CPA4: variants seen among roughly 807,000 people sequenced by gnomAD.
CPA4 encodes the protein carboxypeptidase A4.
In CPA4, 49 loss-of-function variants were observed where a neutral mutation model predicts 54.7. The ratio of observed to expected loss-of-function variants is 0.90; its 90% CI spans 0.71 to 1.14. CPA4 has a LOEUF of 1.14. Among genes scored for constraint, CPA4 ranks in the 50% most tolerant of loss-of-function variants. CPA4 has a pLI of 0.00. For synonymous variants in CPA4, 215 were observed against 206.8 expected (o/e 1.04, Z -0.34); for missense variants, 487 against 525.1 (o/e 0.93, Z 0.71).
Position 130,306,003 on chromosome 7 carries a change from G to A in CPA4, c.591+83G>A, listed in dbSNP as rs1211218863. The stretch of plus-strand genomic sequence containing the variant: ...TGCCATGTGGCTGGGCCTGGGGCAC[G>A]AGGTGGGAGGGTTCTCTACTAAGAC... On this transcript the variant is annotated intron_variant, in intron 6 of 10. Transcript: ENST00000222482. The A allele has an allele frequency of 1.8e-5, 21 of 1,145,488 alleles. 2 individuals are homozygous for A. Among genetic ancestry groups the A allele is most frequent in the South Asian group, 1.2e-4 (10 of 80,662 alleles). 71.0% of individuals were successfully genotyped at this position (1,145,488 alleles called of 1,614,324 possible).
At position 130,305,939 on chromosome 7, in the gene CPA4, A is replaced by C. The variant is rs755198740; in HGVS notation, c.591+19A>C. The C allele has an allele frequency of 6.3e-7, 1 of 1,595,210 alleles. No individual in the cohort carries two copies. Among genetic ancestry groups the C allele is most frequent in the East Asian group, 2.2e-5 (1 of 44,804 alleles). On this transcript the variant is annotated intron_variant, in intron 6 of 10. Coordinates refer to ENST00000222482, the MANE Select transcript of CPA4 (RefSeq NM_016352.4). ...AAGGAAGGTCATGCTGCGTGGTATTAGCCAGGAATGCTGATGGTGCCGGGG... is the reference window on the plus strand; with the variant it reads ...AAGGAAGGTCATGCTGCGTGGTATTCGCCAGGAATGCTGATGGTGCCGGGG...
chr7:130,305,776 G>A (rs372218349), intron 5 of CPA4, 40 bp from the exon 6 acceptor site: 43 of 1,418,086 alleles, frequency 3.0e-5, no homozygotes, highest in African/African-American at 1.7e-4. Flanking sequence ...GCAGAGATGC[G>A]GGCAGGCGGT....
intron 1 of CPA4, among the ~76,000 whole-genome samples, chr7:130,297,357 T>C (rs889121734): frequency 1.3e-5 from 2 of 152,180 alleles, no homozygotes; most frequent in African/African-American, 4.8e-5. Context: ...GGTCCAACTC[T>C]TGGCAAGCCT....
chr7:130,321,988 C>A (rs1390040011), intron 10 of CPA4, among the ~76,000 whole-genome samples: 2 of 152,216 alleles, frequency 1.3e-5, no homozygotes, highest in Non-Finnish European at 2.9e-5. Context: ...TGACAGCTGG[C>A]TTATCCAGAG....
At chr7:130,307,698 G>A (rs1054190611) in intron 7 of CPA4, among the ~76,000 whole-genome samples, 5 of 151,598 alleles carry the variant, frequency 3.3e-5, no homozygotes, top group Middle Eastern at 3.2e-3. Context: ...CAAGGTCTGC[G>A]CATGCACCTG....
At chr7:130,296,560 C>T (rs1029540397) in intron 1 of CPA4, among the ~76,000 whole-genome samples, 1 of 152,100 alleles carries the variant, frequency 6.6e-6, no homozygotes, top group South Asian at 2.1e-4. Flanking sequence ...TTTTCTCCTC[C>T]TGTCCCTTCT....
At chr7:130,312,437 C>T (rs556398564) in intron 10 of CPA4, among the ~76,000 whole-genome samples, 2 of 152,234 alleles carry the variant, frequency 1.3e-5, no homozygotes, top group South Asian at 2.1e-4. Flanking sequence ...AAACATTGAG[C>T]CTGGACAACA....
chr7:130,298,427 G>A (rs1793684484), intron 1 of CPA4, among the ~76,000 whole-genome samples: 1 of 152,158 alleles, frequency 6.6e-6, no homozygotes, highest in African/African-American at 2.4e-5. Flanking sequence ...CCGAACATAA[G>A]GGCTGTCAGC....
chr7:130,314,483 G>A (rs979547048), intron 10 of CPA4, among the ~76,000 whole-genome samples: 6 of 152,232 alleles, frequency 3.9e-5, no homozygotes, highest in Non-Finnish European at 5.9e-5. Flanking sequence ...CCTGTTAAAA[G>A]GTCATGAAGG....
chr7:130,317,943 A>AC (rs1442652341), intron 10 of CPA4, among the ~76,000 whole-genome samples: 2 of 150,630 alleles, frequency 1.3e-5, no homozygotes, highest in African/African-American at 4.9e-5. Context: ...TTCTCCATCC[A>AC]CCCCCCGGGC....
intron 4 of CPA4, 92 bp from the exon 5 acceptor site, chr7:130,304,386 G>A: frequency 1.2e-6 from 1 of 829,184 alleles, no homozygotes; most frequent in Non-Finnish European, 2.1e-6. Context: ...TCCCGGAAGA[G>A]ATAGTTAAGA....
chr7:130,303,540 T>C (rs1046139991), intron 4 of CPA4, among the ~76,000 whole-genome samples: 27 of 152,226 alleles, frequency 1.8e-4, no homozygotes, highest in African/African-American at 6.5e-4. Context: ...TACATGTATA[T>C]GGTGCATGCT....
intron 9 of CPA4, 130 bp downstream of exon 9, chr7:130,311,116 C>T: frequency 1.4e-6 from 1 of 703,614 alleles, no homozygotes; most frequent in Non-Finnish European, 2.5e-6. Flanking sequence ...GTCCAATCTT[C>T]TCTCCCTGCC....
intron 4 of CPA4, among the ~76,000 whole-genome samples, chr7:130,301,718 G>A (rs987648499): frequency 6.6e-6 from 1 of 152,166 alleles, no homozygotes; most frequent in African/African-American, 2.4e-5. Flanking sequence ...CTTCTTGAGG[G>A]AGGATTTCAA....
Position 130,323,929 on chromosome 7 carries a change from G to T in CPA4, c.*1253G>T, listed in dbSNP as rs866978668. 4 of 128,596 alleles carry T rather than the reference G, an allele frequency of 3.1e-5. No individual in the cohort carries two copies. Among genetic ancestry groups the T allele is most frequent in the African/African-American group, 5.6e-5 (2 of 35,488 alleles). 8.0% of individuals were successfully genotyped at this position (128,596 alleles called of 1,614,324 possible). A position where few individuals can be genotyped will look rare whatever the true frequency, so the allele number is the denominator to read the frequency against. ...TGTGTGTGTGTGTGTGTGTGTGTGT[G>T]TGTGTGTTTGTGTGTGTGTGTCTGT... is the stretch of plus-strand genomic sequence containing the variant. On this transcript the variant is annotated 3_prime_UTR_variant, in exon 11 of 11. Transcript: ENST00000222482.
At chr7:130,297,953 G>A (rs973492019) in intron 1 of CPA4, among the ~76,000 whole-genome samples, 7 of 152,186 alleles carry the variant, frequency 4.6e-5, no homozygotes, top group African/African-American at 1.4e-4. Flanking sequence ...GCTAAATCAC[G>A]TATATGAAGC....
In CPA4 at chr7:130,312,123, G is replaced by C. The variant is rs761780608; in HGVS notation, c.1078+1G>C. 8.1e-6 allele frequency: 13 copies of C among 1,606,008 alleles called. No homozygotes were observed. Among genetic ancestry groups the C allele is most frequent in the Non-Finnish European group, 1.1e-5 (13 of 1,172,712 alleles). ...GTGGGTCCCACCTGCACCACTGTCTGTAAGTACTCGCTTATTTATGAGTTA... is the reference window on the plus strand; with the variant it reads ...GTGGGTCCCACCTGCACCACTGTCTCTAAGTACTCGCTTATTTATGAGTTA... On this transcript the variant is annotated splice_donor_variant, in intron 10 of 10. Coordinates refer to ENST00000222482, the MANE Select transcript of CPA4 (RefSeq NM_016352.4). LOFTEE classifies it high-confidence loss of function.
intron 4 of CPA4, among the ~76,000 whole-genome samples, chr7:130,304,266 G>A (rs1164256021): frequency 6.6e-6 from 1 of 152,198 alleles, no homozygotes; most frequent in African/African-American, 2.4e-5. Flanking sequence ...CTACAATTTT[G>A]TGAACAAACA....
At chr7:130,311,939 G>A (rs1584752385) in intron 9 of CPA4, 99 bp from the exon 10 acceptor site, 2 of 859,448 alleles carry the variant, frequency 2.3e-6, no homozygotes, top group East Asian at 5.1e-5. Context: ...GAAATCGGGG[G>A]GGGCTGAGAA....
Sources: allele counts gnomAD v4.1 joint callset (sites outside exome capture counted in the v4.1 genomes callset), GRCh38; gene constraint gnomAD v4.1.1; transcripts MANE v1.5; gene names NCBI Gene and HGNC (gene_info 2026-07-23, HGNC 2026-07-21).